C1orf21: variants seen among roughly 807,000 people sequenced by gnomAD.
C1orf21 encodes the protein chromosome 1 open reading frame 21, also known as uncharacterized protein C1orf21.
A neutral mutation model predicts 18.7 loss-of-function variants in C1orf21; 3 were observed. The observed-to-expected ratio is 0.16, with a 90% CI of 0.07 to 0.42. The LOEUF (loss-of-function observed/expected upper bound fraction) is 0.42, where lower values mean the gene tolerates loss of function less well. C1orf21 is among the 10% of genes least tolerant of loss of function. The pLI, the probability that C1orf21 is intolerant of heterozygous loss-of-function variation, is 0.99. For synonymous variants in C1orf21, 41 were observed against 46.4 expected (o/e 0.88, Z 0.47); for missense variants, 104 against 143.6 (o/e 0.72, Z 1.41).
chr1:184,574,468 G>T (rs1659158080), intron 3 of C1orf21, among the ~76,000 whole-genome samples: 1 of 152,156 alleles, frequency 6.6e-6, no homozygotes, highest in Admixed American at 6.5e-5. Flanking sequence ...ATCCCTAAAG[G>T]ATTACGTATT....
chr1:184,599,225 T>C (rs1015125359), intron 5 of C1orf21: 1 of 152,264 alleles, frequency 6.6e-6, no homozygotes, highest in Admixed American at 6.5e-5. Flanking sequence ...AGTGAACTTC[T>C]AAGTTCAGAA....
intron 2 of C1orf21, among the ~76,000 whole-genome samples, chr1:184,489,215 A>G (rs1428694643): frequency 6.6e-6 from 1 of 152,208 alleles, no homozygotes; most frequent in East Asian, 1.9e-4. Context: ...AGTTAATATG[A>G]CTAATAGAAA....
intron 4 of C1orf21, among the ~76,000 whole-genome samples, chr1:184,594,179 CTG>C (rs1326301844): frequency 6.6e-6 from 1 of 152,166 alleles, no homozygotes; most frequent in Non-Finnish European, 1.5e-5. Flanking sequence ...TAGTAGGAGT[CTG>C]TCACAGAATG....
chr1:184,519,042 G>A (rs972767228), intron 3 of C1orf21, among the ~76,000 whole-genome samples: 5 of 152,106 alleles, frequency 3.3e-5, no homozygotes, highest in African/African-American at 1.2e-4. Flanking sequence ...TTTCCTGTCA[G>A]CACATTAATT....
At chr1:184,459,159 C>G (rs2101982956) in intron 1 of C1orf21, among the ~76,000 whole-genome samples, 1 of 152,290 alleles carries the variant, frequency 6.6e-6, no homozygotes, top group African/African-American at 2.4e-5. Flanking sequence ...TTGTCAGCCT[C>G]TACCATCTTT....
At chr1:184,490,542 T>C (rs1451706771) in intron 2 of C1orf21, among the ~76,000 whole-genome samples, 1 of 152,092 alleles carries the variant, frequency 6.6e-6, no homozygotes. Context: ...TTTAACCAAC[T>C]GGTGGAGACA....
chr1:184,624,214 A>C lies in C1orf21; in HGVS notation c.*4658A>C, dbSNP rs1486949116. 6.6e-6 allele frequency: 1 copy of C among 152,500 alleles called. No homozygotes were observed. The highest frequency in any genetic ancestry group is 1.5e-5 in the Non-Finnish European group (1 of 68,014). 9.4% of individuals were successfully genotyped at this position (152,500 alleles called of 1,614,324 possible). A position where few individuals can be genotyped will look rare whatever the true frequency, so the allele number is the denominator to read the frequency against. Reference sequence around the variant, plus strand: ...CCCCTGGGGGCATCTGCCTTCCAGAATCTCTCTCTGGCTTCTCACCAGCTT... The same window carrying C: ...CCCCTGGGGGCATCTGCCTTCCAGACTCTCTCTCTGGCTTCTCACCAGCTT... On this transcript the variant is annotated 3_prime_UTR_variant, in exon 6 of 6. Transcript: ENST00000235307.
chr1:184,545,098 G>A (rs551898859), intron 3 of C1orf21, among the ~76,000 whole-genome samples: 17 of 152,316 alleles, frequency 1.1e-4, no homozygotes, highest in African/African-American at 4.1e-4. Flanking sequence ...CAGGTACAGT[G>A]TGGGAAGGGA....
intron 1 of C1orf21, among the ~76,000 whole-genome samples, chr1:184,446,556 A>G (rs1466709348): frequency 6.6e-6 from 1 of 152,152 alleles, no homozygotes; most frequent in Non-Finnish European, 1.5e-5. Context: ...CAATGATACA[A>G]TCAGCAAAGT....
At chr1:184,480,722 C>T (rs1471926260) in intron 2 of C1orf21, among the ~76,000 whole-genome samples, 1 of 152,140 alleles carries the variant, frequency 6.6e-6, no homozygotes, top group Non-Finnish European at 1.5e-5. Flanking sequence ...GTACAGGCTC[C>T]TGCCTTTAAG....
intron 3 of C1orf21, among the ~76,000 whole-genome samples, chr1:184,587,925 T>A (rs1480300833): frequency 6.6e-6 from 1 of 152,142 alleles, no homozygotes; most frequent in Non-Finnish European, 1.5e-5. Context: ...ACGGTATACA[T>A]TGATTTTGTA....
At chr1:184,537,450 G>A (rs892380865) in intron 3 of C1orf21, among the ~76,000 whole-genome samples, 2 of 152,090 alleles carry the variant, frequency 1.3e-5, no homozygotes, top group Non-Finnish European at 2.9e-5. Flanking sequence ...CATCCGTGTC[G>A]TATCCTGTAT....
At chr1:184,459,556 A>G (rs1487683722) in intron 1 of C1orf21, among the ~76,000 whole-genome samples, 1 of 152,152 alleles carries the variant, frequency 6.6e-6, no homozygotes, top group Non-Finnish European at 1.5e-5. Flanking sequence ...GCTGGCTGAG[A>G]ATTGTTATGG....
At chr1:184,495,608 G>T (rs899835931) in intron 2 of C1orf21, among the ~76,000 whole-genome samples, 5 of 151,956 alleles carry the variant, frequency 3.3e-5, no homozygotes, top group African/African-American at 1.2e-4. Flanking sequence ...CTCTGTAAAA[G>T]ACACTGTTTT....
intron 3 of C1orf21, chr1:184,567,530 GAC>G: frequency 1.9e-6 from 1 of 524,198 alleles, no homozygotes; most frequent in Non-Finnish European, 3.8e-6. Flanking sequence ...CATCCTCCTT[GAC>G]ATCTGCTGTG....
intron 3 of C1orf21, among the ~76,000 whole-genome samples, chr1:184,535,602 C>T (rs907686632): frequency 3.3e-5 from 5 of 152,156 alleles, no homozygotes; most frequent in African/African-American, 9.6e-5. Flanking sequence ...AACACTTTTT[C>T]TTCATTTCTA....
chr1:184,419,155 G>C (rs545798929), intron 1 of C1orf21, among the ~76,000 whole-genome samples: 1 of 152,256 alleles, frequency 6.6e-6, no homozygotes, highest in South Asian at 2.1e-4. Context: ...AGGCAGTCAC[G>C]GTGGTGTGAT....
At chr1:184,515,202 A>G (rs548982345) in intron 3 of C1orf21, among the ~76,000 whole-genome samples, 2 of 152,368 alleles carry the variant, frequency 1.3e-5, no homozygotes, top group East Asian at 3.9e-4. Flanking sequence ...ATGGATTAGA[A>G]GAATTGCATG....
At chr1:184,614,149 C>G (rs1375365051) in intron 5 of C1orf21, among the ~76,000 whole-genome samples, 2 of 152,194 alleles carry the variant, frequency 1.3e-5, no homozygotes, top group African/African-American at 4.8e-5. Flanking sequence ...CTCACCTAGA[C>G]AGTTTTATTT....
Sources: allele counts gnomAD v4.1 joint callset (sites outside exome capture counted in the v4.1 genomes callset), GRCh38; gene constraint gnomAD v4.1.1; transcripts MANE v1.5; gene names NCBI Gene and HGNC (gene_info 2026-07-23, HGNC 2026-07-21).